BRME1: variants seen among roughly 807,000 people sequenced by gnomAD.
BRME1 encodes BRCA2 and MEILB2-associating protein 1.
A neutral mutation model predicts 52.6 loss-of-function variants in BRME1; 31 were observed. The ratio of observed to expected loss-of-function variants is 0.59; its 90% CI spans 0.44 to 0.80. The LOEUF (loss-of-function observed/expected upper bound fraction) is 0.80, where lower values mean the gene tolerates loss of function less well. BRME1 is among the 30% of genes least tolerant of loss of function. The probability of loss-of-function intolerance (pLI) is 0.00; values close to 1 mark genes in which losing one functional copy is unlikely to be tolerated. For missense variants in BRME1, 804 were observed against 860.3 expected, an observed-to-expected ratio of 0.93 and a Z score of 0.82; for synonymous variants, 359 against 353.6, an observed-to-expected ratio of 1.02 and a Z score of -0.17.
intron 7 of BRME1, 80 bp downstream of exon 7, chr19:13,885,881 G>T (rs1223063563): frequency 8.0e-7 from 1 of 1,256,150 alleles, no homozygotes; most frequent in South Asian, 1.3e-5. Context: ...GAGAACTGGG[G>T]TCTGTCTCCT....
intron 1 of BRME1, among the ~76,000 whole-genome samples, chr19:13,905,307 G>A (rs1307056997): frequency 1.3e-5 from 2 of 152,010 alleles, no homozygotes; most frequent in African/African-American, 2.4e-5. Flanking sequence ...GGCCTCTGGA[G>A]ACCAGCCTGG....
rs1306551341 is a variant in BRME1, at chr19:13,888,156, C to T, written c.1668+1032G>A. 2.0e-5 allele frequency among the ~76,000 whole-genome samples: 3 copies of T among 151,890 alleles called. No individual in the cohort carries two copies. Among genetic ancestry groups the T allele is most frequent in the Admixed American group, 1.3e-4 (2 of 15,262 alleles). ...CCAGGCTGGTCCTGCTCTCCTGCCT[C>T]GGTCTCCCAAAGTCCTGAGATTACA... On this transcript the variant is annotated intron_variant, in intron 6 of 8. Coordinates refer to ENST00000586783, the MANE Select transcript of BRME1 (RefSeq NM_001345843.2). The surrounding 1 kb of genome is among the most constrained non-coding windows in gnomAD (Gnocchi z 4.1).
rs7258085 is a variant in BRME1 at position 13,898,054 on chromosome 19, G to C, written c.32-2508C>G. Among the ~76,000 whole-genome samples the C allele has an allele frequency of 7.6e-3, 1,158 of 151,482 alleles. 16 individuals are homozygous for C. Among genetic ancestry groups the C allele is most frequent in the African/African-American group, 0.027 (1,099 of 41,270 alleles). On this transcript the variant is annotated intron_variant, in intron 2 of 8. Coordinates refer to ENST00000586783, the MANE Select transcript of BRME1 (RefSeq NM_001345843.2). Reference sequence around the variant, plus strand: ...GCTGAGGTTGCAATGAGCCAAGATGGCGCCACTGCACTCCAGCCTGGGCAA... The same window carrying C: ...GCTGAGGTTGCAATGAGCCAAGATGCCGCCACTGCACTCCAGCCTGGGCAA...
At chr19:13,901,473 C>T (rs1038490942) in intron 2 of BRME1, among the ~76,000 whole-genome samples, 16 of 150,996 alleles carry the variant, frequency 1.1e-4, no homozygotes, top group Non-Finnish European at 1.8e-4. Context: ...CTGAGGCAGG[C>T]GGATAACTTG....
chr19:13,882,693 G>A lies in BRME1; in HGVS notation c.*109C>T. On this transcript the variant is annotated 3_prime_UTR_variant, in exon 9 of 9. Transcript: ENST00000586783. ...TTGTCCATGGAAGACCAACTTCCGG[G>A]CAACTGAAGGGAGGTTTGTAGGGTC... 1 of 1,437,594 alleles carries A rather than the reference G, an allele frequency of 7.0e-7. No homozygotes were observed. Among genetic ancestry groups the A allele is most frequent in the Non-Finnish European group, 9.5e-7 (1 of 1,049,312 alleles). The allele number at this position is 1,437,594 out of a possible 1,614,324, so 89.1% of individuals were successfully genotyped here.
In BRME1 at chr19:13,890,531, G is replaced by A. The variant is rs549880309; in HGVS notation, c.394-69C>T. 16 of 1,396,998 alleles carry A rather than the reference G, an allele frequency of 1.1e-5. No individual in the cohort carries two copies. In the South Asian group the frequency reaches 2.7e-4, roughly 24 times the overall value. The allele number at this position is 1,396,998 out of a possible 1,614,324, so 86.5% of individuals were successfully genotyped here. A position where few individuals can be genotyped will look rare whatever the true frequency, so the allele number is the denominator to read the frequency against. On this transcript the variant is annotated intron_variant, in intron 5 of 8. Coordinates refer to ENST00000586783, the MANE Select transcript of BRME1 (RefSeq NM_001345843.2). Reference sequence around the variant, plus strand: ...AGTTCTCCGAAGAGTTTTCTATTAGGTTGGTGTAAAAGTAATTGCGGGTTT... The same window carrying A: ...AGTTCTCCGAAGAGTTTTCTATTAGATTGGTGTAAAAGTAATTGCGGGTTT...
At position 13,882,951 on chromosome 19, in the gene BRME1, G is replaced by A. The variant is rs77270337; in HGVS notation, c.1858C>T (p.Arg620Trp). 6.6e-3 allele frequency: 10,712 copies of A among 1,611,934 alleles called. 55 individuals carry two copies. The highest frequency in any genetic ancestry group is 8.1e-3 in the Non-Finnish European group (9,510 of 1,179,534). The change falls in exon 9 of 9, where the codon CGG becomes TGG. Residue 620 changes from arginine to tryptophan, a missense_variant and splice_region_variant. Around this residue, in one of 3 missense-constraint regions of BRME1, gnomAD observed 552 missense variants for 561.1 expected, o/e 0.98. Coordinates refer to ENST00000586783, the MANE Select transcript of BRME1 (RefSeq NM_001345843.2). ...TCCCGGTGGGTGCCCATGATCAGCC[G>A]GCTGTGGGGGAAACACAGGCATGCG... ...GLIVELSNLN[R>W]LIMGTHRDLE...
rs1969381444 is a variant in BRME1 at position 13,890,258 on chromosome 19, C to T, written c.598G>A (p.Gly200Arg). The part of the protein sequence containing the change: ...QPDDPPDRGT[G>R]LSASQRASQD... ...CTGGCCCTCTGTGAGGCGGACAACC[C>T]CGTCCCCCTGTCTGGAGGGTCATCA... The change falls in exon 6 of 9, where the codon GGG becomes AGG. Residue 200 changes from glycine to arginine, a missense_variant. Around this residue, in one of 3 missense-constraint regions of BRME1, gnomAD observed 234 missense variants for 258.1 expected, o/e 0.91. Transcript: ENST00000586783. The T allele has an allele frequency of 3.7e-6, 6 of 1,613,962 alleles. No homozygotes were observed. Among genetic ancestry groups the T allele is most frequent in the South Asian group, 1.1e-5 (1 of 91,074 alleles).
At chr19:13,904,401 C>G (rs1480455611) in intron 2 of BRME1, among the ~76,000 whole-genome samples, 1 of 151,972 alleles carries the variant, frequency 6.6e-6, no homozygotes, top group Non-Finnish European at 1.5e-5. Context: ...GCCACCACAC[C>G]GGCCTTCTAT....
intron 6 of BRME1, 77 bp from the exon 7 acceptor site, chr19:13,886,132 C>G (rs1969000173): frequency 1.6e-6 from 2 of 1,289,832 alleles, no homozygotes; most frequent in Non-Finnish European, 2.2e-6. Flanking sequence ...AGAAGTCACG[C>G]TGATGCTTTT....
intron 7 of BRME1, 80 bp downstream of exon 7, chr19:13,885,881 G>A (rs1223063563): frequency 8.8e-6 from 11 of 1,256,152 alleles, no homozygotes; most frequent in Non-Finnish European, 1.1e-5. Flanking sequence ...GAGAACTGGG[G>A]TCTGTCTCCT....
At chr19:13,903,296 C>T (rs2145241665) in intron 2 of BRME1, among the ~76,000 whole-genome samples, 1 of 152,112 alleles carries the variant, frequency 6.6e-6, no homozygotes, top group Middle Eastern at 3.4e-3. Flanking sequence ...GGGGGGCATC[C>T]TATGCATGGT....
Position 13,891,821 on chromosome 19 carries a change from C to T in BRME1, c.393+965G>A, listed in dbSNP as rs149438291. Among the ~76,000 whole-genome samples the T allele has an allele frequency of 3.6e-3, 542 of 150,822 alleles. 3 individuals are homozygous for T. The highest frequency in any genetic ancestry group is 0.013 in the African/African-American group (531 of 41,054). ...GACGCAGTGGCTCATGCCTGTAATCCCAGCACTTTGAGAGGCCGAGGCAGG... is the reference window on the plus strand; with the variant it reads ...GACGCAGTGGCTCATGCCTGTAATCTCAGCACTTTGAGAGGCCGAGGCAGG... On this transcript the variant is annotated intron_variant, in intron 5 of 8. Coordinates refer to ENST00000586783, the MANE Select transcript of BRME1 (RefSeq NM_001345843.2).
intron 2 of BRME1, among the ~76,000 whole-genome samples, chr19:13,896,184 C>T (rs1294843802): frequency 6.6e-6 from 1 of 151,848 alleles, no homozygotes; most frequent in Non-Finnish European, 1.5e-5. Flanking sequence ...GCAGGAGAAT[C>T]GCTTGAACCT....
At chr19:13,886,502 C>T (rs1277890808) in intron 6 of BRME1, among the ~76,000 whole-genome samples, 26 of 152,158 alleles carry the variant, frequency 1.7e-4, no homozygotes, top group Admixed American at 1.6e-3. Flanking sequence ...CCACAGACAT[C>T]CTGTTAGGAA....
intron 1 of BRME1, 104 bp from the exon 2 acceptor site, chr19:13,905,017 C>T: frequency 2.2e-6 from 2 of 911,892 alleles, no homozygotes; most frequent in South Asian, 2.9e-5. Context: ...CCACCTCAGC[C>T]CATTTGGCTG....
chr19:13,893,030 G>T, intron 4 of BRME1, 112 bp downstream of exon 4: 1 of 1,346,388 alleles, frequency 7.4e-7, no homozygotes, highest in Non-Finnish European at 1.0e-6. Flanking sequence ...ATTCCCTCCA[G>T]CCCCTGTAGA....
chr19:13,895,250 G>T, intron 3 of BRME1, 122 bp downstream of exon 3: 1 of 986,730 alleles, frequency 1.0e-6, no homozygotes, highest in Non-Finnish European at 1.5e-6. Context: ...GCTCTGGGAG[G>T]GAGTGGGTCA....
At position 13,890,109 on chromosome 19, in the gene BRME1, T is replaced by C. The variant is rs114838605; in HGVS notation, c.747A>G (p.Arg249=). 2.2e-4 allele frequency: 360 copies of C among 1,614,136 alleles called. 1 individual carries two copies. The African/African-American group carries it at 4.3e-3, about 19-fold the overall frequency. ...SIDSEGEKPD[R]GAPQEGGAQR... is the part of the protein sequence containing the mutation. ...GGGCCCCTCCCTCCTGGGGGGCTCC[T>C]CTGTCTGGCTTCTCCCCTTCAGAAT... Residue 249 remains arginine (R), a synonymous_variant, in exon 6 of 9, where the codon AGA becomes AGG. Coordinates refer to ENST00000586783, the MANE Select transcript of BRME1 (RefSeq NM_001345843.2).
Sources: allele counts gnomAD v4.1 joint callset (sites outside exome capture counted in the v4.1 genomes callset), GRCh38; gene constraint gnomAD v4.1.1; regional missense constraint gnomAD v4.1.1; non-coding constraint Gnocchi (gnomAD v3.1); transcripts MANE v1.5; gene names NCBI Gene and HGNC (gene_info 2026-07-23, HGNC 2026-07-21).